The following ORC5 variants were observed in gnomAD, a reference collection of about 807,000 sequenced individuals.
The protein encoded by ORC5 is origin recognition complex subunit 5.
Under a neutral mutation model 58.8 loss-of-function variants are expected in ORC5, and 39 were observed. The ratio of observed to expected loss-of-function variants is 0.66; its 90% confidence interval spans 0.51 to 0.87. The LOEUF is 0.87. Among genes scored for constraint, ORC5 ranks in the 40% least tolerant of loss-of-function variants. ORC5 has a pLI of 0.00. For missense variants in ORC5, 493 were observed against 506.3 expected, an observed-to-expected ratio of 0.97 and a Z score of 0.25; for synonymous variants, 218 against 177.6, an observed-to-expected ratio of 1.23 and a Z score of -1.81.
rs187679790 is a variant in ORC5, at chr7:104,191,500, T to A, written c.554-3119A>T. 1.4e-4 allele frequency among the ~76,000 whole-genome samples: 22 copies of A among 152,224 alleles called. No homozygotes were observed. The East Asian group carries it at 3.9e-3, about 27-fold the overall frequency. The stretch of plus-strand genomic sequence containing the variant: ...TTGAACATCTCCATCTAGGTATTCC[T>A]TACAGGTAGCCCTCTGTATCCCATA... On this transcript the variant is annotated intron_variant, in intron 5 of 13. Transcript: ENST00000297431.
Position 104,169,477 on chromosome 7 carries a change from T to G in ORC5, c.825-952A>C, listed in dbSNP as rs577515848. ...GAGTAAAGAATGCCCTACGACAGTT[T>G]TAGCTGCATGACTTCGAAAAAATGA... On this transcript the variant is annotated intron_variant, in intron 8 of 13. Transcript: ENST00000297431. Among the ~76,000 whole-genome samples the G allele has an allele frequency of 9.5e-4, 144 of 152,230 alleles. 1 individual carries two copies. The highest frequency in any genetic ancestry group is 3.4e-3 in the African/African-American group (140 of 41,510).
chr7:104,206,913 G>A (rs1266369889), intron 1 of ORC5, among the ~76,000 whole-genome samples: 1 of 152,158 alleles, frequency 6.6e-6, no homozygotes, highest in Non-Finnish European at 1.5e-5. Flanking sequence ...TACAGCCTAG[G>A]TGTATAGCAG....
chr7:104,141,703 T>A lies in ORC5; in HGVS notation c.1150-4810A>T, dbSNP rs77600658. Among the ~76,000 whole-genome samples, 5 of 152,108 alleles carry A rather than the reference T, an allele frequency of 3.3e-5. No homozygotes were observed. In the East Asian group the frequency reaches 7.7e-4, roughly 24 times the overall value. ...CAATGAACTATCAAAAAACGAAATT[T>A]AAAAAAATCTAACTTACAACAGCAT... On this transcript the variant is annotated intron_variant, in intron 12 of 13. Coordinates refer to ENST00000297431, the MANE Select transcript of ORC5 (RefSeq NM_002553.4).
chr7:104,194,018 T>A (rs2116044173), intron 5 of ORC5, among the ~76,000 whole-genome samples: 1 of 151,696 alleles, frequency 6.6e-6, no homozygotes, highest in South Asian at 2.1e-4. Context: ...AATAATTTTC[T>A]TAAATTCTAA....
intron 12 of ORC5, among the ~76,000 whole-genome samples, chr7:104,157,660 C>T (rs939198044): frequency 1.3e-5 from 2 of 152,034 alleles, no homozygotes; most frequent in African/African-American, 4.8e-5. Context: ...AATCAGAAGC[C>T]TCCCATTGTT....
In ORC5 at chr7:104,136,642, T is replaced by C. The variant is rs1798592079; in HGVS notation, c.1262+139A>G. ...TCATTTGTAAATTTGAGAAGGTTCATTCTATCGTACAGCTTATTCATTCTT... is the reference window on the plus strand; with the variant it reads ...TCATTTGTAAATTTGAGAAGGTTCACTCTATCGTACAGCTTATTCATTCTT... On this transcript the variant is annotated intron_variant, in intron 13 of 13. Transcript: ENST00000297431. The surrounding 1 kb of genome is among the most constrained non-coding windows in gnomAD (Gnocchi z 4.2). 3 of 546,284 alleles carry C rather than the reference T, an allele frequency of 5.5e-6. No individual in the cohort carries two copies. The highest frequency in any genetic ancestry group is 1.9e-5 in the African/African-American group (1 of 53,132). The allele number at this position is 546,284 out of a possible 1,614,324, so 33.8% of individuals were successfully genotyped here. A position where few individuals can be genotyped will look rare whatever the true frequency, so the allele number is the denominator to read the frequency against.
chr7:104,174,899 T>C (rs1308000733), intron 8 of ORC5, among the ~76,000 whole-genome samples: 4 of 152,196 alleles, frequency 2.6e-5, no homozygotes, highest in Non-Finnish European at 5.9e-5. Flanking sequence ...AGCAGGCCAC[T>C]GCACACACAT....
At chr7:104,205,088 T>A (rs1255252929) in intron 1 of ORC5, among the ~76,000 whole-genome samples, 1 of 122,992 alleles carries the variant, frequency 8.1e-6, no homozygotes, top group Non-Finnish European at 1.8e-5. Context: ...ATAATACTCT[T>A]TTTTTTTTTT....
At chr7:104,131,225 C>T (rs1798508074) in intron 13 of ORC5, among the ~76,000 whole-genome samples, 1 of 152,180 alleles carries the variant, frequency 6.6e-6, no homozygotes, top group Non-Finnish European at 1.5e-5. Flanking sequence ...TTTGTCTCCT[C>T]CTTCTCGGAG....
chr7:104,152,657 TTG>T (rs1798864974), intron 12 of ORC5, among the ~76,000 whole-genome samples: 1 of 152,178 alleles, frequency 6.6e-6, no homozygotes, highest in Admixed American at 6.6e-5. Context: ...ACAAACTTTT[TTG>T]TGTGTTGTCA....
intron 6 of ORC5, chr7:104,187,699 T>A: frequency 1.1e-6 from 1 of 897,284 alleles, no homozygotes; most frequent in African/African-American, 1.8e-5. Context: ...CTATGAAATA[T>A]AAACAGCTAT....
chr7:104,183,923 C>CATACTAA lies in ORC5; in HGVS notation c.824+13_824+19dup, dbSNP rs1562822624. ...AAATAAAGATATAAAAACTAGTATG[C>CATACTAA]ATACTAAATAGAAAATTACCTTGAT... is the stretch of plus-strand genomic sequence containing the variant. On this transcript the variant is annotated intron_variant, in intron 8 of 13. Coordinates refer to ENST00000297431, the MANE Select transcript of ORC5 (RefSeq NM_002553.4). The CATACTAA allele has an allele frequency of 6.8e-7, 1 of 1,468,284 alleles. No individual in the cohort carries two copies. The allele number at this position is 1,468,284 out of a possible 1,614,324, so 91.0% of individuals were successfully genotyped here.
chr7:104,172,614 AT>A (rs1461231584), intron 8 of ORC5, among the ~76,000 whole-genome samples: 1 of 152,222 alleles, frequency 6.6e-6, no homozygotes, highest in African/African-American at 2.4e-5. Context: ...TCCTATATTG[AT>A]TTGTAATCTA....
intron 2 of ORC5, chr7:104,202,682 A>G (rs1799973897): frequency 3.0e-6 from 1 of 329,786 alleles, no homozygotes; most frequent in Non-Finnish European, 6.0e-6. Flanking sequence ...TTCAACATAT[A>G]TTTTGGGGGC....
At chr7:104,172,127 A>G (rs562776590) in intron 8 of ORC5, among the ~76,000 whole-genome samples, 1 of 152,334 alleles carries the variant, frequency 6.6e-6, no homozygotes, top group African/African-American at 2.4e-5. Flanking sequence ...CACTACTGGT[A>G]TATAAAATGA....
At chr7:104,165,436 A>G (rs551592490) in intron 10 of ORC5, 154 bp from the exon 11 acceptor site, 9 of 500,154 alleles carry the variant, frequency 1.8e-5, no homozygotes, top group Non-Finnish European at 3.2e-5. Context: ...TATATATTAG[A>G]CTTCAACATA....
At chr7:104,126,970 T>G in intron 13 of ORC5, 77 bp from the exon 14 acceptor site, 1 of 998,710 alleles carries the variant, frequency 1.0e-6, no homozygotes, top group East Asian at 2.6e-5. Flanking sequence ...GGAAAGCACA[T>G]GCAAAATAAT....
chr7:104,183,448 G>T (rs983925293), intron 8 of ORC5, among the ~76,000 whole-genome samples: 3 of 152,024 alleles, frequency 2.0e-5, no homozygotes, highest in Admixed American at 2.0e-4. Flanking sequence ...TTGATTAAAA[G>T]AAAAAAGTTG....
At chr7:104,188,056 C>T in intron 6 of ORC5, 195 bp downstream of exon 6, 7 of 996,268 alleles carry the variant, frequency 7.0e-6, no homozygotes, top group Non-Finnish European at 9.0e-6. Flanking sequence ...TTGTACTAAC[C>T]CACAGACATC....
Sources: allele counts gnomAD v4.1 joint callset (sites outside exome capture counted in the v4.1 genomes callset), GRCh38; gene constraint gnomAD v4.1.1; non-coding constraint Gnocchi (gnomAD v3.1); transcripts MANE v1.5; gene names NCBI Gene and HGNC (gene_info 2026-07-23, HGNC 2026-07-21).